MAGI2: variants seen among roughly 807,000 people sequenced by gnomAD.
MAGI2 encodes the protein membrane-associated guanylate kinase, WW and PDZ domain-containing protein 2.
Under a neutral mutation model 133.3 loss-of-function variants are expected in MAGI2, and 35 were observed. The ratio of observed to expected loss-of-function variants is 0.26; its 90% CI spans 0.20 to 0.35. MAGI2 has a LOEUF of 0.35. MAGI2 is among the 10% of genes least tolerant of loss of function. The probability of loss-of-function intolerance (pLI) is 1.00; values close to 1 mark genes in which losing one functional copy is unlikely to be tolerated. For synonymous variants in MAGI2, 729 were observed against 710.6 expected (o/e 1.03, Z -0.41); for missense variants, 1,636 against 1,863.4 (o/e 0.88, Z 2.25).
intron 3 of MAGI2, among the ~76,000 whole-genome samples, chr7:78,551,552 A>G (rs1799333879): frequency 6.6e-6 from 1 of 152,220 alleles, no homozygotes; most frequent in Non-Finnish European, 1.5e-5. Flanking sequence ...TGAAAGCCAC[A>G]TACATGAATA....
chr7:78,784,255 T>G (rs1826629414), intron 2 of MAGI2, among the ~76,000 whole-genome samples: 1 of 151,406 alleles, frequency 6.6e-6, no homozygotes, highest in Non-Finnish European at 1.5e-5. Context: ...TATCCCAAAG[T>G]ATGGCATGTT....
At chr7:79,091,240 G>T (rs879755886) in intron 1 of MAGI2, among the ~76,000 whole-genome samples, 7 of 151,896 alleles carry the variant, frequency 4.6e-5, no homozygotes, top group Non-Finnish European at 7.4e-5. Flanking sequence ...GAAGCTTGTT[G>T]CCCTCCCACC....
At chr7:78,379,059 G>T (rs1794696476) in intron 6 of MAGI2, among the ~76,000 whole-genome samples, 1 of 151,886 alleles carries the variant, frequency 6.6e-6, no homozygotes, top group Admixed American at 6.6e-5. Flanking sequence ...GCCATCCTAA[G>T]TACCAGGGAC....
chr7:79,369,971 T>G (rs897559505), intron 1 of MAGI2, among the ~76,000 whole-genome samples: 10 of 152,114 alleles, frequency 6.6e-5, no homozygotes, highest in African/African-American at 2.2e-4. Flanking sequence ...ATATTATATA[T>G]TATGTCTGTT....
At chr7:78,515,039 C>G (rs929475814) in intron 4 of MAGI2, among the ~76,000 whole-genome samples, 1 of 152,092 alleles carries the variant, frequency 6.6e-6, no homozygotes, top group Non-Finnish European at 1.5e-5. Flanking sequence ...GATTTAAATG[C>G]TTTTAAAATA....
intron 7 of MAGI2, among the ~76,000 whole-genome samples, chr7:78,362,133 C>T (rs1341868263): frequency 1.3e-5 from 2 of 152,010 alleles, no homozygotes. Context: ...GAAGCCCCAC[C>T]TCTACTAAAA....
intron 1 of MAGI2, among the ~76,000 whole-genome samples, chr7:79,256,798 C>T (rs940872213): frequency 6.6e-5 from 10 of 152,112 alleles, no homozygotes; most frequent in African/African-American, 2.4e-4. Flanking sequence ...GCAAAAATAT[C>T]TTTAAAATTT....
chr7:78,088,883 A>G (rs1489777245), intron 20 of MAGI2, among the ~76,000 whole-genome samples: 1 of 152,244 alleles, frequency 6.6e-6, no homozygotes. Flanking sequence ...AGATGGGACG[A>G]TTATCCAGGA....
intron 6 of MAGI2, among the ~76,000 whole-genome samples, chr7:78,421,447 G>C (rs1180196842): frequency 4.6e-5 from 7 of 152,092 alleles, no homozygotes; most frequent in Non-Finnish European, 1.0e-4. Context: ...ACTTAAAATG[G>C]CTACTGAACA....
intron 2 of MAGI2, among the ~76,000 whole-genome samples, chr7:78,762,732 G>A (rs1271679272): frequency 6.6e-6 from 1 of 152,200 alleles, no homozygotes; most frequent in African/African-American, 2.4e-5. Flanking sequence ...AATAAATTAT[G>A]TGGTATGAAT....
chr7:79,204,514 A>G (rs1256683421), intron 1 of MAGI2, among the ~76,000 whole-genome samples: 1 of 152,174 alleles, frequency 6.6e-6, no homozygotes, highest in East Asian at 1.9e-4. Context: ...TAAAATAAGT[A>G]CCACTTTTTC....
intron 1 of MAGI2, among the ~76,000 whole-genome samples, chr7:79,443,203 C>T (rs922713926): frequency 7.9e-5 from 12 of 151,524 alleles, no homozygotes; most frequent in Admixed American, 2.6e-4. Flanking sequence ...ACCCAGGAGT[C>T]GGAGGTCTCT....
intron 2 of MAGI2, among the ~76,000 whole-genome samples, chr7:78,777,188 A>G (rs1826052429): frequency 6.6e-6 from 1 of 152,200 alleles, no homozygotes; most frequent in Admixed American, 6.5e-5. Context: ...GAGAAAAATT[A>G]TGCTTTGGGT....
intron 1 of MAGI2, among the ~76,000 whole-genome samples, chr7:79,220,606 G>A (rs900341139): frequency 1.3e-5 from 2 of 151,954 alleles, no homozygotes; most frequent in African/African-American, 4.8e-5. Flanking sequence ...GATATGAACT[G>A]GAGGAATAAC....
intron 11 of MAGI2, among the ~76,000 whole-genome samples, chr7:78,199,262 C>G (rs968935398): frequency 6.6e-6 from 1 of 152,204 alleles, no homozygotes; most frequent in Non-Finnish European, 1.5e-5. Flanking sequence ...AACCTACATA[C>G]TGTGGGTATA....
intron 2 of MAGI2, among the ~76,000 whole-genome samples, chr7:78,708,755 T>C (rs748769896): frequency 4.6e-5 from 7 of 152,126 alleles, no homozygotes; most frequent in Non-Finnish European, 1.5e-5. Flanking sequence ...CCCTTTAAGA[T>C]AGGTATCAAT....
intron 6 of MAGI2, among the ~76,000 whole-genome samples, chr7:78,449,662 G>T (rs963623531): frequency 2.6e-5 from 4 of 151,972 alleles, no homozygotes; most frequent in Admixed American, 6.6e-5. Flanking sequence ...ATCTGAACGC[G>T]TGTGGCTTCA....
intron 1 of MAGI2, among the ~76,000 whole-genome samples, chr7:79,299,310 G>A (rs1419027673): frequency 6.6e-6 from 1 of 151,976 alleles, no homozygotes; most frequent in Non-Finnish European, 1.5e-5. Context: ...TGATGTAACT[G>A]GAAATGGATA....
rs184669118 is a variant in MAGI2 at position 78,314,568 on chromosome 7, T to C, written c.1408+29210A>G. Reference sequence around the variant, plus strand: ...GATCCAGAACTTTGAAACTTTAGCATTGGCTCTATTAGTAACAGTTTAAGA... The same window carrying C: ...GATCCAGAACTTTGAAACTTTAGCACTGGCTCTATTAGTAACAGTTTAAGA... On this transcript the variant is annotated intron_variant, in intron 9 of 21. Coordinates refer to ENST00000354212, the MANE Select transcript of MAGI2 (RefSeq NM_012301.4). Among the ~76,000 whole-genome samples the C allele has an allele frequency of 2.2e-3, 334 of 152,284 alleles. 2 individuals carry two copies. Among genetic ancestry groups the C allele is most frequent in the Non-Finnish European group, 1.3e-3 (86 of 68,002 alleles).
Sources: allele counts gnomAD v4.1 joint callset (sites outside exome capture counted in the v4.1 genomes callset), GRCh38; gene constraint gnomAD v4.1.1; transcripts MANE v1.5; gene names NCBI Gene and HGNC (gene_info 2026-07-23, HGNC 2026-07-21).